IL1RAPL2: variants seen among roughly 807,000 people sequenced by gnomAD.
IL1RAPL2 encodes the protein X-linked interleukin-1 receptor accessory protein-like 2.
IL1RAPL2 carries 3 observed loss-of-function variants against 44.1 expected under a neutral mutation model. The ratio of observed to expected loss-of-function variants is 0.07; its 90% CI spans 0.03 to 0.18. The LOEUF is 0.18. IL1RAPL2 is among the 10% of genes least tolerant of loss of function. The pLI, the probability that IL1RAPL2 is intolerant of heterozygous loss-of-function variation, is 1.00. For synonymous variants in IL1RAPL2, 181 were observed against 178.8 expected (o/e 1.01, Z -0.10); for missense variants, 391 against 496.4 (o/e 0.79, Z 2.02).
chrX:104,609,780 G>A (rs890100256), intron 1 of IL1RAPL2, among the ~76,000 whole-genome samples: 2 of 111,447 alleles, frequency 1.8e-5, no homozygotes, highest in Admixed American at 9.6e-5. Flanking sequence ...TAGCTTCCTT[G>A]CCATGGGTTA....
chrX:105,547,163 G>C (rs1405413583), intron 6 of IL1RAPL2, among the ~76,000 whole-genome samples: 1 of 112,449 alleles, frequency 8.9e-6, no homozygotes, highest in Non-Finnish European at 1.9e-5. Context: ...AGGATTTAGA[G>C]AATGTATTTA....
chrX:105,193,097 A>G (rs2147611149), intron 2 of IL1RAPL2, among the ~76,000 whole-genome samples: 1 of 112,160 alleles, frequency 8.9e-6, no homozygotes, highest in South Asian at 3.7e-4. Context: ...CCCATCACAA[A>G]TAGGCCAAAG....
chrX:104,582,731 CCCTT>C (rs199856354), intron 1 of IL1RAPL2, among the ~76,000 whole-genome samples: 989 of 76,999 alleles, frequency 0.013, 11 homozygotes, highest in Non-Finnish European at 0.019. Context: ...CTCTCTCTCT[CCCTT>C]CCTTCCTTCC....
At chrX:104,906,033 T>C (rs1033542568) in intron 2 of IL1RAPL2, among the ~76,000 whole-genome samples, 2 of 109,815 alleles carry the variant, frequency 1.8e-5, no homozygotes, top group African/African-American at 6.6e-5. Context: ...CCTTGTAAAT[T>C]GGATTCCTAG....
Position 105,705,185 on chromosome X carries a change from TAATA to T in IL1RAPL2, c.773-12177_773-12174del, listed in dbSNP as rs202173381. On this transcript the variant is annotated intron_variant, in intron 6 of 10. Transcript: ENST00000372582. ...TGTCATTTGGGGTGGGGGGGATGAC[TAATA>T]AATAGATAGATGATAGATGAATAGA... Among the ~76,000 whole-genome samples, 573 of 110,095 alleles carry T rather than the reference TAATA, an allele frequency of 5.2e-3. 3 individuals are homozygous for T. Among genetic ancestry groups the T allele is most frequent in the African/African-American group, 7.9e-3 (239 of 30,258 alleles).
At chrX:105,160,703 A>G (rs1183227269) in intron 2 of IL1RAPL2, among the ~76,000 whole-genome samples, 1 of 111,704 alleles carries the variant, frequency 9.0e-6, no homozygotes, top group Non-Finnish European at 1.9e-5. Context: ...AGAAGAGGGT[A>G]TTGATTGAGA....
At chrX:104,953,911 G>A (rs1451681093) in intron 2 of IL1RAPL2, among the ~76,000 whole-genome samples, 2 of 111,229 alleles carry the variant, frequency 1.8e-5, no homozygotes, top group African/African-American at 3.3e-5. Flanking sequence ...CTTTCTTTGG[G>A]ATGACTATTC....
At chrX:105,498,685 G>A (rs1391365401) in intron 6 of IL1RAPL2, among the ~76,000 whole-genome samples, 1 of 111,449 alleles carries the variant, frequency 9.0e-6, no homozygotes, top group East Asian at 2.8e-4. Flanking sequence ...ACTAGCATAA[G>A]GACAGATATG....
chrX:105,078,843 A>G (rs957410114), intron 2 of IL1RAPL2, among the ~76,000 whole-genome samples: 1 of 112,689 alleles, frequency 8.9e-6, no homozygotes, highest in Non-Finnish European at 1.9e-5. Context: ...GGTGCGGGAT[A>G]TAATCTCCTG....
intron 2 of IL1RAPL2, among the ~76,000 whole-genome samples, chrX:105,181,108 G>A (rs1372928855): frequency 1.8e-5 from 2 of 111,747 alleles, no homozygotes; most frequent in African/African-American, 6.5e-5. Context: ...AGGTTTTACA[G>A]TTTGTGAGCA....
At chrX:105,686,196 C>A (rs1404540482) in intron 6 of IL1RAPL2, among the ~76,000 whole-genome samples, 1 of 109,837 alleles carries the variant, frequency 9.1e-6, no homozygotes, top group Non-Finnish European at 1.9e-5. Context: ...CAAATTCACA[C>A]ATAACAATAT....
intron 2 of IL1RAPL2, among the ~76,000 whole-genome samples, chrX:104,944,044 G>A (rs766646781): frequency 2.7e-5 from 3 of 111,493 alleles, no homozygotes; most frequent in Admixed American, 1.9e-4. Context: ...ACAAACAAAC[G>A]AAACACATCC....
chrX:104,880,666 T>C (rs1923040777), intron 2 of IL1RAPL2, among the ~76,000 whole-genome samples: 1 of 112,043 alleles, frequency 8.9e-6, no homozygotes, highest in Non-Finnish European at 1.9e-5. Context: ...AATTAACAAG[T>C]ACATCACAAA....
chrX:105,304,520 A>G (rs905453541), intron 5 of IL1RAPL2, among the ~76,000 whole-genome samples: 2 of 112,315 alleles, frequency 1.8e-5, no homozygotes, highest in African/African-American at 3.2e-5. Flanking sequence ...GATTCTGTCT[A>G]TAGGAACAAT....
At chrX:104,889,264 C>G (rs1327810187) in intron 2 of IL1RAPL2, among the ~76,000 whole-genome samples, 1 of 111,437 alleles carries the variant, frequency 9.0e-6, no homozygotes, top group Non-Finnish European at 1.9e-5. Flanking sequence ...TGCTCATCCC[C>G]TCTTTCAACC....
chrX:105,641,230 G>T (rs1249949959), intron 6 of IL1RAPL2, among the ~76,000 whole-genome samples: 1 of 109,999 alleles, frequency 9.1e-6, no homozygotes, highest in Non-Finnish European at 1.9e-5. Flanking sequence ...ATTTTTGCCT[G>T]GTTAGAATAT....
rs182944366 is a variant in IL1RAPL2, at chrX:105,330,362, T to G, written c.697+62821T>G. Among the ~76,000 whole-genome samples, 139 of 111,061 alleles carry G rather than the reference T, an allele frequency of 1.3e-3. 1 individual carries two copies. The highest frequency in any genetic ancestry group is 2.3e-3 in the Non-Finnish European group (124 of 52,914). On this transcript the variant is annotated intron_variant, in intron 5 of 10. Coordinates refer to ENST00000372582, the MANE Select transcript of IL1RAPL2 (RefSeq NM_017416.2). ...GCTCTACCCTCCTCGTATACCAACA[T>G]GTTTTTACTAATAAATCAGACAGCA...
intron 5 of IL1RAPL2, among the ~76,000 whole-genome samples, chrX:105,457,357 T>A (rs2036063428): frequency 9.0e-6 from 1 of 110,959 alleles, no homozygotes; most frequent in African/African-American, 3.3e-5. Flanking sequence ...CCACAAATTT[T>A]TAACCATCTC....
chrX:105,415,890 C>T (rs2035729889), intron 5 of IL1RAPL2, among the ~76,000 whole-genome samples: 2 of 111,656 alleles, frequency 1.8e-5, no homozygotes, highest in Admixed American at 1.9e-4. Flanking sequence ...ATATATTAGA[C>T]AAAGATTAAA....
Sources: gnomAD v4.1 joint callset for allele counts (sites outside exome capture counted in the v4.1 genomes callset) on GRCh38, gnomAD v4.1.1 for gene constraint, MANE v1.5 for transcripts, NCBI Gene and HGNC (gene_info 2026-07-23, HGNC 2026-07-21) for gene names.